LINC00305: variants seen among roughly 807,000 people sequenced by gnomAD.
The protein encoded by LINC00305 is long intergenic non-protein coding RNA 305.
chr18:64,084,987 C>T (rs921533910), intron 3 of LINC00305, among the ~76,000 whole-genome samples: 5 of 152,150 alleles, frequency 3.3e-5, no homozygotes, highest in Non-Finnish European at 5.9e-5. Flanking sequence ...GAGGAATCAG[C>T]GCCAAATGAT....
chr18:64,085,466 CTT>C (rs112804959), intron 3 of LINC00305, among the ~76,000 whole-genome samples: 47 of 144,940 alleles, frequency 3.2e-4, no homozygotes, highest in African/African-American at 6.3e-4. Context: ...GTATTTGTCA[CTT>C]TTTTTTTTTT....
At chr18:64,083,659 A>G (rs1012901683) in intron 3 of LINC00305, among the ~76,000 whole-genome samples, 1 of 152,180 alleles carries the variant, frequency 6.6e-6, no homozygotes, top group Non-Finnish European at 1.5e-5. Context: ...GCCCCTTTTA[A>G]TGCCCTTATC....
chr18:64,141,819 T>C (rs1014780242), intron 1 of LINC00305, among the ~76,000 whole-genome samples: 1 of 152,214 alleles, frequency 6.6e-6, no homozygotes, highest in African/African-American at 2.4e-5. Context: ...TATGAAACAA[T>C]GTACTTTAGC....
At chr18:64,088,219 AGAAATTTGT>A (rs1177424810) in intron 3 of LINC00305, among the ~76,000 whole-genome samples, 7 of 152,090 alleles carry the variant, frequency 4.6e-5, no homozygotes, top group African/African-American at 7.2e-5. Flanking sequence ...CTAAATAACC[AGAAATTTGT>A]GATTTTTCTC....
At chr18:64,098,998 G>A (rs2051257874) in intron 1 of LINC00305, among the ~76,000 whole-genome samples, 1 of 152,138 alleles carries the variant, frequency 6.6e-6, no homozygotes. Flanking sequence ...GAAGGAAAGT[G>A]GGGTGTTTGA....
chr18:64,110,788 C>T (rs528814965), intron 1 of LINC00305, among the ~76,000 whole-genome samples: 3 of 152,322 alleles, frequency 2.0e-5, no homozygotes, highest in Non-Finnish European at 4.4e-5. Flanking sequence ...TTTGGCCTGA[C>T]AGAAACACTG....
At chr18:64,126,769 C>T (rs1443552101) in intron 1 of LINC00305, among the ~76,000 whole-genome samples, 1 of 152,066 alleles carries the variant, frequency 6.6e-6, no homozygotes, top group African/African-American at 2.4e-5. Context: ...ATCTCTCACC[C>T]CCAAGTGTAA....
chr18:64,132,291 C>T (rs1169646080), intron 1 of LINC00305, among the ~76,000 whole-genome samples: 1 of 152,184 alleles, frequency 6.6e-6, no homozygotes, highest in Non-Finnish European at 1.5e-5. Context: ...AAGCAATTAG[C>T]AGTAGCTCTA....
chr18:64,110,531 G>C (rs548408636), intron 1 of LINC00305, among the ~76,000 whole-genome samples: 10 of 152,294 alleles, frequency 6.6e-5, no homozygotes, highest in African/African-American at 2.4e-4. Context: ...GACTTTGGGG[G>C]TATAAATGGG....
intron 3 of LINC00305, among the ~76,000 whole-genome samples, chr18:64,085,584 T>C (rs1297424132): frequency 1.3e-5 from 2 of 151,990 alleles, no homozygotes; most frequent in Admixed American, 1.3e-4. Context: ...TGCCCCAGCC[T>C]CCCAAGTAGC....
chr18:64,114,045 G>A (rs1047662064), intron 1 of LINC00305, among the ~76,000 whole-genome samples: 21 of 152,272 alleles, frequency 1.4e-4, no homozygotes, highest in African/African-American at 4.8e-4. Flanking sequence ...CGAGGCGGGC[G>A]GATCACAAGA....
intron 1 of LINC00305, among the ~76,000 whole-genome samples, chr18:64,102,965 A>G (rs550806310): frequency 6.6e-6 from 1 of 152,298 alleles, no homozygotes; most frequent in South Asian, 2.1e-4. Context: ...GATCCACCCC[A>G]TATCAGTGAG....
intron 1 of LINC00305, among the ~76,000 whole-genome samples, chr18:64,140,017 C>T (rs2144277222): frequency 6.6e-6 from 1 of 152,214 alleles, no homozygotes; most frequent in South Asian, 2.1e-4. Flanking sequence ...CACACAAAGA[C>T]TGCTCCCACC....
intron 1 of LINC00305, among the ~76,000 whole-genome samples, chr18:64,108,575 A>G (rs1447786275): frequency 6.6e-6 from 1 of 152,220 alleles, no homozygotes; most frequent in Non-Finnish European, 1.5e-5. Flanking sequence ...CTAATAAATT[A>G]GAACCAGATG....
chr18:64,127,562 C>A (rs993274374), intron 1 of LINC00305: 1 of 152,122 alleles, frequency 6.6e-6, no homozygotes, highest in Non-Finnish European at 1.5e-5. Context: ...TGGTTTCATC[C>A]TGAAAAACCT....
chr18:64,093,002 A>G (rs367568816), intron 3 of LINC00305, among the ~76,000 whole-genome samples: 3 of 152,208 alleles, frequency 2.0e-5, no homozygotes, highest in Non-Finnish European at 2.9e-5. Context: ...GCAATTCATT[A>G]TAATGTTTTA....
chr18:64,085,927 A>G (rs1401824577), intron 3 of LINC00305, among the ~76,000 whole-genome samples: 1 of 152,214 alleles, frequency 6.6e-6, no homozygotes, highest in East Asian at 1.9e-4. Context: ...TCTTAAACTG[A>G]TGGGGTTAAG....
intron 3 of LINC00305, among the ~76,000 whole-genome samples, chr18:64,093,968 C>T (rs1363597115): frequency 3.9e-5 from 6 of 152,020 alleles, no homozygotes; most frequent in Admixed American, 3.9e-4. Context: ...AGAAAAGTAC[C>T]ATCAGTTGCG....
At chr18:64,111,539 T>C (rs1176475815) in intron 1 of LINC00305, among the ~76,000 whole-genome samples, 1 of 152,182 alleles carries the variant, frequency 6.6e-6, no homozygotes, top group Non-Finnish European at 1.5e-5. Flanking sequence ...GTAAGGAAAA[T>C]ACATAATCAT....
Sources: allele counts gnomAD v4.1 joint callset (sites outside exome capture counted in the v4.1 genomes callset), GRCh38; gene constraint gnomAD v4.1.1; transcripts MANE v1.5; gene names NCBI Gene and HGNC (gene_info 2026-07-23, HGNC 2026-07-21).